Variants in ARMH3 observed in about 807,000 individuals in gnomAD.
ARMH3 encodes the protein armadillo-like helical domain-containing protein 3.
In ARMH3, 60 loss-of-function variants were observed where a neutral mutation model predicts 99.1. The ratio of observed to expected loss-of-function variants is 0.61; its 90% CI spans 0.49 to 0.75. ARMH3 has a LOEUF of 0.75. Ranked by LOEUF, ARMH3 falls within the 30% of genes least tolerant of loss-of-function variation. The pLI, the probability that ARMH3 is intolerant of heterozygous loss-of-function variation, is 0.00. For missense variants in ARMH3, 679 were observed against 843.1 expected, an observed-to-expected ratio of 0.81 and a Z score of 2.41; for synonymous variants, 285 against 292.8, an observed-to-expected ratio of 0.97 and a Z score of 0.27.
intron 23 of ARMH3, among the ~76,000 whole-genome samples, chr10:101,934,296 A>C (rs995709463): frequency 2.6e-5 from 4 of 152,132 alleles, no homozygotes; most frequent in African/African-American, 9.7e-5. Flanking sequence ...GTGAAAGAAA[A>C]CAGCTACATA....
At chr10:101,882,821 A>G (rs2067451488) in intron 24 of ARMH3, among the ~76,000 whole-genome samples, 1 of 152,234 alleles carries the variant, frequency 6.6e-6, no homozygotes, top group Non-Finnish European at 1.5e-5. Context: ...TTTTCAAAGT[A>G]GCTAAGCTAG....
At chr10:101,896,531 C>A (rs548381314) in intron 23 of ARMH3, among the ~76,000 whole-genome samples, 2 of 152,208 alleles carry the variant, frequency 1.3e-5, no homozygotes, top group South Asian at 4.2e-4. Flanking sequence ...TATGATTATA[C>A]CAGAAAACAT....
chr10:101,856,816 A>G lies in ARMH3; in HGVS notation c.1861-6924T>C, dbSNP rs562368621. ...AAACTCTGAAAACACAAACAAGAGC[A>G]TCACCAGGCCAAGTCCAGACACTGC... On this transcript the variant is annotated intron_variant, in intron 24 of 25. Coordinates refer to ENST00000370033, the MANE Select transcript of ARMH3 (RefSeq NM_024541.3). Among the ~76,000 whole-genome samples the G allele has an allele frequency of 1.2e-3, 176 of 152,324 alleles. 1 individual carries two copies. The highest frequency in any genetic ancestry group is 3.9e-3 in the African/African-American group (163 of 41,576).
chr10:102,038,239 C>T (rs1169095916), intron 2 of ARMH3, among the ~76,000 whole-genome samples: 1 of 151,748 alleles, frequency 6.6e-6, no homozygotes, highest in African/African-American at 2.4e-5. Context: ...GGACTACAGG[C>T]GCCCACCACC....
rs202193305 is a variant in ARMH3 at position 102,033,170 on chromosome 10, C to T, written c.162G>A (p.Val54=). 5.0e-5 allele frequency: 81 copies of T among 1,614,052 alleles called. No individual in the cohort carries two copies. The highest frequency in any genetic ancestry group is 6.4e-5 in the Non-Finnish European group (76 of 1,180,024). ...GCTTGCCTTCTAGGTACTCTAAATT[C>T]ACCTGCCAAGGAAACAAATAAGGGG... ...RFWEELFLMK[V]NLEYLEGKLE... Residue 54 remains valine (V), a splice_region_variant and synonymous_variant, in exon 4 of 26, where the codon GTG becomes GTA. Transcript: ENST00000370033.
chr10:101,887,722 C>T (rs775383613), intron 24 of ARMH3, among the ~76,000 whole-genome samples: 1 of 151,474 alleles, frequency 6.6e-6, no homozygotes, highest in Non-Finnish European at 1.5e-5. Flanking sequence ...TGTGAGCCAC[C>T]GCACCCAGCA....
rs749186027 is a variant in ARMH3, at chr10:102,023,208, C to A, written c.669+269G>T. On this transcript the variant is annotated intron_variant, in intron 8 of 25. Transcript: ENST00000370033. ...GTCTCAAAAAAAAAAAAAAAAAGTT[C>A]TTAGGTGATTCTAATAAGCTGGTAT... Among the ~76,000 whole-genome samples, 51 of 148,576 alleles carry A rather than the reference C, an allele frequency of 3.4e-4. 1 individual carries two copies. The highest frequency in any genetic ancestry group is 6.8e-4 in the Non-Finnish European group (46 of 67,170).
At chr10:102,041,163 T>A (rs1590226336) in intron 1 of ARMH3, among the ~76,000 whole-genome samples, 1 of 148,710 alleles carries the variant, frequency 6.7e-6, no homozygotes, top group Non-Finnish European at 1.5e-5. Context: ...TTCAATTCTA[T>A]ATAAAAGTAG....
intron 17 of ARMH3, 94 bp from the exon 18 acceptor site, chr10:101,992,132 T>C (rs1485256786): frequency 3.0e-6 from 3 of 1,016,770 alleles, no homozygotes. Context: ...ATAAAATCAC[T>C]ATTACAGGGA....
At chr10:101,992,496 AATT>A (rs1846846553) in intron 17 of ARMH3, among the ~76,000 whole-genome samples, 1 of 141,158 alleles carries the variant, frequency 7.1e-6, no homozygotes, top group Non-Finnish European at 1.6e-5. Flanking sequence ...ACCTCAATGT[AATT>A]TTTTTTTTTT....
At chr10:101,889,828 A>G (rs1331683873) in intron 23 of ARMH3, 1 of 227,056 alleles carries the variant, frequency 4.4e-6, no homozygotes, top group Non-Finnish European at 9.0e-6. Context: ...TGGTGCTTCA[A>G]TCAGAAAGAA....
intron 8 of ARMH3, among the ~76,000 whole-genome samples, chr10:102,019,250 T>C (rs535933390): frequency 1.3e-5 from 2 of 152,192 alleles, no homozygotes; most frequent in South Asian, 2.1e-4. Context: ...GGTTTTGCCA[T>C]GTTGGCCAGG....
intron 23 of ARMH3, among the ~76,000 whole-genome samples, chr10:101,924,570 C>T (rs943621811): frequency 3.3e-5 from 5 of 151,452 alleles, no homozygotes; most frequent in Admixed American, 6.6e-5. Context: ...TTAGCCAGGA[C>T]GGTCTCAATC....
intron 20 of ARMH3, among the ~76,000 whole-genome samples, chr10:101,963,466 T>C (rs1845397437): frequency 6.6e-6 from 1 of 152,154 alleles, no homozygotes; most frequent in South Asian, 2.1e-4. Flanking sequence ...AGACGGGGTT[T>C]CACCATGTTG....
intron 24 of ARMH3, among the ~76,000 whole-genome samples, chr10:101,850,405 CT>C (rs1408347191): frequency 6.8e-6 from 1 of 147,886 alleles, no homozygotes; most frequent in Non-Finnish European, 1.5e-5. Context: ...GGCCAACTTT[CT>C]AATCTCTCTC....
intron 24 of ARMH3, among the ~76,000 whole-genome samples, chr10:101,853,930 T>C (rs1164060303): frequency 6.6e-6 from 1 of 152,144 alleles, no homozygotes; most frequent in Admixed American, 6.5e-5. Flanking sequence ...CTGGCCAAGA[T>C]GGTGAAGCCC....
At position 101,863,523 on chromosome 10, in the gene ARMH3, G is replaced by C. The variant is rs1235431197; in HGVS notation, c.1861-13631C>G. Among the ~76,000 whole-genome samples, 4 of 152,174 alleles carry C rather than the reference G, an allele frequency of 2.6e-5. No individual in the cohort carries two copies. In the East Asian group the frequency reaches 7.7e-4, roughly 29 times the overall value. ...ACCCTAAACAATATGGGTTTGAACT[G>C]TGTGGGTCCACTTATATGCAAATTT... On this transcript the variant is annotated intron_variant, in intron 24 of 25. Coordinates refer to ENST00000370033, the MANE Select transcript of ARMH3 (RefSeq NM_024541.3).
intron 23 of ARMH3, among the ~76,000 whole-genome samples, chr10:101,892,997 A>G (rs184433444): frequency 5.3e-5 from 8 of 152,352 alleles, no homozygotes; most frequent in African/African-American, 1.4e-4. Context: ...GAATTTTATG[A>G]CCAAGTGGGG....
At chr10:101,932,327 G>C (rs909626020) in intron 23 of ARMH3, among the ~76,000 whole-genome samples, 1 of 152,202 alleles carries the variant, frequency 6.6e-6, no homozygotes, top group East Asian at 1.9e-4. Context: ...AAATTGGAAA[G>C]TAACATGGTG....
Sources: allele counts gnomAD v4.1 joint callset (sites outside exome capture counted in the v4.1 genomes callset), GRCh38; gene constraint gnomAD v4.1.1; transcripts MANE v1.5; gene names NCBI Gene and HGNC (gene_info 2026-07-23, HGNC 2026-07-21).